NLN: variants seen among roughly 807,000 people sequenced by gnomAD.
NLN encodes neurolysin, mitochondrial.
Under a neutral mutation model 79.9 loss-of-function variants are expected in NLN, and 64 were observed. The ratio of observed to expected loss-of-function variants is 0.80; its 90% confidence interval spans 0.65 to 0.99. The LOEUF is 0.99. Ranked by LOEUF, NLN falls within the 50% of genes least tolerant of loss-of-function variation. The pLI, the probability that NLN is intolerant of heterozygous loss-of-function variation, is 0.00. For synonymous variants in NLN, 267 were observed against 296.6 expected (o/e 0.90, Z 1.02); for missense variants, 835 against 858.7 (o/e 0.97, Z 0.34).
At chr5:65,765,471 C>G (rs894643747) in intron 3 of NLN, among the ~76,000 whole-genome samples, 2 of 152,068 alleles carry the variant, frequency 1.3e-5, no homozygotes, top group African/African-American at 4.8e-5. Flanking sequence ...TGAGTCTAGA[C>G]TGTGCCATTG....
rs1760874536 is a variant in NLN at position 65,824,460 on chromosome 5, C to T, written c.*1545C>T. 6.6e-6 allele frequency: 1 copy of T among 152,174 alleles called. No homozygotes were observed. The highest frequency in any genetic ancestry group is 2.4e-5 in the African/African-American group (1 of 41,438). 9.4% of individuals were successfully genotyped at this position (152,174 alleles called of 1,614,324 possible). A position where few individuals can be genotyped will look rare whatever the true frequency, so the allele number is the denominator to read the frequency against. ...CCCACACACTCACTCAATGTCACCC[C>T]CTTCTAATCCCCAAAACTGTTTTTG... is the stretch of plus-strand genomic sequence containing the variant. On this transcript the variant is annotated 3_prime_UTR_variant, in exon 13 of 13. Coordinates refer to ENST00000380985, the MANE Select transcript of NLN (RefSeq NM_020726.5).
intron 11 of NLN, among the ~76,000 whole-genome samples, chr5:65,811,938 A>G (rs1760556784): frequency 6.6e-6 from 1 of 152,206 alleles, no homozygotes; most frequent in South Asian, 2.1e-4. Flanking sequence ...AAACACATAC[A>G]TGTTTAAGAG....
intron 1 of NLN, among the ~76,000 whole-genome samples, chr5:65,724,040 A>G (rs1758394896): frequency 6.6e-6 from 1 of 151,886 alleles, no homozygotes; most frequent in South Asian, 2.1e-4. Context: ...AAAAATAACT[A>G]TTTTCCAAAC....
At chr5:65,774,338 G>A (rs561766592) in intron 3 of NLN, among the ~76,000 whole-genome samples, 2 of 152,090 alleles carry the variant, frequency 1.3e-5, no homozygotes. Context: ...TACTCTATAA[G>A]CAGAAAAACT....
At chr5:65,722,492 C>G in intron 1 of NLN, 78 bp downstream of exon 1, 3 of 1,330,850 alleles carry the variant, frequency 2.3e-6, no homozygotes, top group Middle Eastern at 1.8e-4. Flanking sequence ...AGCCCGGACC[C>G]ACCCCTTCCC....
At chr5:65,775,393 C>T (rs901408828) in intron 3 of NLN, among the ~76,000 whole-genome samples, 2 of 152,192 alleles carry the variant, frequency 1.3e-5, no homozygotes, top group Non-Finnish European at 2.9e-5. Flanking sequence ...CTTAGCTTCT[C>T]GCTGGCTCCT....
chr5:65,751,668 C>T (rs1759105238), intron 1 of NLN, among the ~76,000 whole-genome samples: 1 of 152,024 alleles, frequency 6.6e-6, no homozygotes, highest in Non-Finnish European at 1.5e-5. Flanking sequence ...GAAAATGAAC[C>T]CCATAAATCA....
At chr5:65,800,787 C>G (rs1760269966) in intron 9 of NLN, among the ~76,000 whole-genome samples, 1 of 151,904 alleles carries the variant, frequency 6.6e-6, no homozygotes, top group South Asian at 2.1e-4. Context: ...ACCTTCCAGG[C>G]TCAAGCGATC....
At chr5:65,756,511 A>G (rs1417468915) in intron 1 of NLN, among the ~76,000 whole-genome samples, 1 of 152,164 alleles carries the variant, frequency 6.6e-6, no homozygotes. Flanking sequence ...TCTCTCTTGA[A>G]TGATCTCTTT....
At chr5:65,752,689 G>C (rs902438414) in intron 1 of NLN, among the ~76,000 whole-genome samples, 10 of 152,164 alleles carry the variant, frequency 6.6e-5, no homozygotes, top group African/African-American at 2.4e-4. Context: ...TAACAAAGGG[G>C]AAGAGGAGGG....
chr5:65,723,378 G>A (rs1758366268), intron 1 of NLN, among the ~76,000 whole-genome samples: 1 of 152,172 alleles, frequency 6.6e-6, no homozygotes, highest in Non-Finnish European at 1.5e-5. Context: ...AAGAGTTAAT[G>A]TGGTGATTGG....
chr5:65,744,693 G>A lies in NLN; in HGVS notation c.42-13874G>A, dbSNP rs547497987. On this transcript the variant is annotated intron_variant, in intron 1 of 12. Coordinates refer to ENST00000380985, the MANE Select transcript of NLN (RefSeq NM_020726.5). Reference sequence around the variant, plus strand: ...GCGGGTGGATCACCTGAGGTCAGGCGTTCAAGACCAGCCTGGCCAACATGG... The same window carrying A: ...GCGGGTGGATCACCTGAGGTCAGGCATTCAAGACCAGCCTGGCCAACATGG... Among the ~76,000 whole-genome samples the A allele has an allele frequency of 1.4e-4, 21 of 152,202 alleles. No individual in the cohort carries two copies. In the South Asian group the frequency reaches 3.3e-3, roughly 24 times the overall value.
At chr5:65,774,055 G>GT (rs33910517) in intron 3 of NLN, among the ~76,000 whole-genome samples, 32,170 of 140,282 alleles carry the variant, frequency 0.23, 4,130 homozygotes, top group South Asian at 0.35. Flanking sequence ...AGAATTCAAA[G>GT]TTTTTTTTTT....
intron 12 of NLN, among the ~76,000 whole-genome samples, chr5:65,820,716 GT>G (rs71774741): frequency 5.4e-5 from 7 of 128,986 alleles, no homozygotes; most frequent in East Asian, 2.0e-4. Flanking sequence ...GAAATGACAT[GT>G]TTTTTTTTGT....
intron 3 of NLN, 150 bp downstream of exon 3, chr5:65,763,258 A>G: frequency 1.5e-6 from 1 of 647,764 alleles, no homozygotes; most frequent in Middle Eastern, 4.3e-4. Flanking sequence ...GTATTACATA[A>G]TGTTAATTAT....
chr5:65,736,373 T>C (rs1227418724), intron 1 of NLN, among the ~76,000 whole-genome samples: 1 of 152,260 alleles, frequency 6.6e-6, no homozygotes, highest in African/African-American at 2.4e-5. Flanking sequence ...ACAAGCAATA[T>C]TGCTATGAAT....
Position 65,781,308 on chromosome 5 carries a change from G to A in NLN, c.709G>A (p.Asp237Asn). The A allele has an allele frequency of 6.2e-7, 1 of 1,607,788 alleles. No homozygotes were observed. The highest frequency in any genetic ancestry group is 8.5e-7 in the Non-Finnish European group (1 of 1,174,530). ...FIDSLEKTDD[D>N]KYKITLKYPH... is the part of the protein sequence containing the mutation. ...TGACAGTTTAGAAAAGACAGATGAT[G>A]ACAAGTATAAAATTACCTTAAAATA... The change falls in exon 6 of 13, where the codon GAC becomes AAC. Residue 237 changes from aspartate (D) to asparagine (N), a missense_variant. Physicochemically the swap from Asp to Asn is conservative, Grantham distance 23. Coordinates refer to ENST00000380985, the MANE Select transcript of NLN (RefSeq NM_020726.5).
chr5:65,809,160 C>T (rs1760486532), intron 9 of NLN: 1 of 166,876 alleles, frequency 6.0e-6, no homozygotes, highest in East Asian at 1.7e-4. Context: ...TAATGGATCT[C>T]TTCATTTTTA....
intron 9 of NLN, chr5:65,809,253 G>C (rs180964249): frequency 2.1e-4 from 67 of 324,838 alleles, no homozygotes; most frequent in Non-Finnish European, 1.1e-5. Flanking sequence ...TTCAGTTCTG[G>C]TTTTCTGATG....
Sources: gnomAD v4.1 joint callset for allele counts (sites outside exome capture counted in the v4.1 genomes callset) on GRCh38, gnomAD v4.1.1 for gene constraint, MANE v1.5 for transcripts, NCBI Gene and HGNC (gene_info 2026-07-23, HGNC 2026-07-21) for gene names.